Variants in SULT4A1 observed in about 807,000 individuals in gnomAD.
SULT4A1 encodes sulfotransferase 4A1.
A neutral mutation model predicts 35.2 loss-of-function variants in SULT4A1; 11 were observed. The observed-to-expected ratio is 0.31, with a 90% CI of 0.20 to 0.52. SULT4A1 has a LOEUF of 0.52. Ranked by LOEUF, SULT4A1 falls within the 20% of genes least tolerant of loss-of-function variation. SULT4A1 has a pLI of 0.97. For synonymous variants in SULT4A1, 152 were observed against 151.8 expected (o/e 1.00, Z -0.01); for missense variants, 271 against 383.7 (o/e 0.71, Z 2.45).
intron 1 of SULT4A1, among the ~76,000 whole-genome samples, chr22:43,844,956 C>T (rs752181038): frequency 6.6e-6 from 1 of 152,128 alleles, no homozygotes; most frequent in East Asian, 1.9e-4. Context: ...GAGTCCCATT[C>T]GAGGACCCTA....
At position 43,840,131 on chromosome 22, in the gene SULT4A1, C is replaced by T. The variant is rs2063413118; in HGVS notation, c.301-106G>A. 1.3e-5 allele frequency: 10 copies of T among 784,248 alleles called. No homozygotes were observed. The South Asian group carries it at 1.7e-4, about 14-fold the overall frequency. 48.6% of individuals were successfully genotyped at this position (784,248 alleles called of 1,614,324 possible). A position where few individuals can be genotyped will look rare whatever the true frequency, so the allele number is the denominator to read the frequency against. ...AGAGGAGGAAGGAAGGGGTGGGGTT[C>T]AGGGGAAGTGGAGTTATCAGAGGGA... On this transcript the variant is annotated intron_variant, in intron 2 of 6. Coordinates refer to ENST00000330884, the MANE Select transcript of SULT4A1 (RefSeq NM_014351.4).
At chr22:43,830,143 G>C (rs187410573) in intron 5 of SULT4A1, among the ~76,000 whole-genome samples, 1 of 152,174 alleles carries the variant, frequency 6.6e-6, no homozygotes, top group Non-Finnish European at 1.5e-5. Flanking sequence ...GGTGCATCCC[G>C]GGCGCAGGGC....
chr22:43,851,984 C>G (rs117796752), intron 1 of SULT4A1, among the ~76,000 whole-genome samples: 1 of 152,200 alleles, frequency 6.6e-6, no homozygotes, highest in South Asian at 2.1e-4. Context: ...TAATCCACCA[C>G]GCCCTCCTCT....
intron 1 of SULT4A1, among the ~76,000 whole-genome samples, chr22:43,848,633 T>C (rs2063491422): frequency 6.6e-6 from 1 of 151,020 alleles, no homozygotes; most frequent in Non-Finnish European, 1.5e-5. Context: ...AAGGCAGGAG[T>C]GAGAGGTGGA....
At chr22:43,860,934 G>A (rs931671382) in intron 1 of SULT4A1, among the ~76,000 whole-genome samples, 3 of 152,030 alleles carry the variant, frequency 2.0e-5, no homozygotes, top group South Asian at 2.1e-4. Flanking sequence ...GTGTGACTCC[G>A]AACAATTTGT....
intron 1 of SULT4A1, among the ~76,000 whole-genome samples, chr22:43,856,203 G>GA (rs1204231022): frequency 6.6e-6 from 1 of 152,126 alleles, no homozygotes; most frequent in Non-Finnish European, 1.5e-5. Context: ...CTCCCTTACA[G>GA]AAAAAAGGCT....
intron 1 of SULT4A1, among the ~76,000 whole-genome samples, chr22:43,842,859 A>G (rs542277019): frequency 2.7e-4 from 41 of 152,252 alleles, no homozygotes; most frequent in Non-Finnish European, 5.1e-4. Context: ...CTACATTATG[A>G]TATGTGCTGG....
chr22:43,850,148 G>C (rs1183956040), intron 1 of SULT4A1, among the ~76,000 whole-genome samples: 2 of 152,158 alleles, frequency 1.3e-5, no homozygotes, highest in Non-Finnish European at 2.9e-5. Flanking sequence ...AAGACCCACG[G>C]TTCTCTCCTC....
chr22:43,831,045 G>A (rs1041272132), intron 5 of SULT4A1, among the ~76,000 whole-genome samples: 3 of 152,184 alleles, frequency 2.0e-5, no homozygotes, highest in Admixed American at 6.5e-5. Flanking sequence ...GTCACAGACC[G>A]GCTTTGATAG....
chr22:43,826,440 C>G, intron 6 of SULT4A1: 1 of 985,308 alleles, frequency 1.0e-6, no homozygotes, highest in Non-Finnish European at 1.2e-6. Flanking sequence ...TGCTGGGTCC[C>G]CAGCACCTAG....
At chr22:43,852,709 C>G (rs2049355722) in intron 1 of SULT4A1, among the ~76,000 whole-genome samples, 1 of 151,778 alleles carries the variant, frequency 6.6e-6, no homozygotes, top group Non-Finnish European at 1.5e-5. Context: ...ATGCCCTCGA[C>G]ACAGAGCACG....
intron 1 of SULT4A1, among the ~76,000 whole-genome samples, chr22:43,852,507 T>A (rs1030737830): frequency 2.0e-5 from 3 of 151,928 alleles, no homozygotes; most frequent in Non-Finnish European, 4.4e-5. Context: ...GGGCAACCCA[T>A]CAGGGCCAGG....
At chr22:43,842,044 C>T in intron 1 of SULT4A1, 112 bp from the exon 2 acceptor site, 1 of 1,446,716 alleles carries the variant, frequency 6.9e-7, no homozygotes, top group South Asian at 1.4e-5. Flanking sequence ...CCAGGTGGGG[C>T]CCAGGGCGAC....
chr22:43,857,764 C>T (rs2049418415), intron 1 of SULT4A1, among the ~76,000 whole-genome samples: 1 of 152,084 alleles, frequency 6.6e-6, no homozygotes, highest in East Asian at 1.9e-4. Flanking sequence ...GCTAAACAAG[C>T]CAAGGCCTGG....
chr22:43,858,430 A>G lies in SULT4A1; in HGVS notation c.169+3784T>C, dbSNP rs527604744. Among the ~76,000 whole-genome samples, 10 of 152,208 alleles carry G rather than the reference A, an allele frequency of 6.6e-5. No individual in the cohort carries two copies. In the East Asian group the frequency reaches 1.2e-3, roughly 18 times the overall value. ...CACTTGCTTTGGCAGCCCCTTCCCC[A>G]GGTCAAGCCTCCTGAGTATGTGTAA... On this transcript the variant is annotated intron_variant, in intron 1 of 6. Transcript: ENST00000330884.
intron 1 of SULT4A1, among the ~76,000 whole-genome samples, chr22:43,843,642 A>T (rs2063451080): frequency 2.0e-5 from 3 of 152,230 alleles, no homozygotes; most frequent in African/African-American, 7.2e-5. Context: ...CCAAGAGGAC[A>T]GGCTTTGAGG....
intron 1 of SULT4A1, among the ~76,000 whole-genome samples, chr22:43,845,693 C>T (rs138083): frequency 0.23 from 35,688 of 152,072 alleles, 4,404 homozygotes; most frequent in African/African-American, 0.32. Context: ...CGAACCGAGA[C>T]GCACAGGAGG....
chr22:43,838,709 C>A (rs530010756), intron 4 of SULT4A1, among the ~76,000 whole-genome samples, 158 bp downstream of exon 4: 1 of 152,194 alleles, frequency 6.6e-6, no homozygotes, highest in South Asian at 2.1e-4. Context: ...TCACGACCCT[C>A]GGCCTCAGTG....
intron 4 of SULT4A1, among the ~76,000 whole-genome samples, chr22:43,835,202 G>A (rs1037699812): frequency 1.2e-4 from 19 of 152,234 alleles, no homozygotes; most frequent in African/African-American, 4.6e-4. Context: ...CCTTGGTGTG[G>A]GGTGGGGCAC....
Sources: gnomAD v4.1 joint callset for allele counts (sites outside exome capture counted in the v4.1 genomes callset) on GRCh38, gnomAD v4.1.1 for gene constraint, MANE v1.5 for transcripts, NCBI Gene and HGNC (gene_info 2026-07-23, HGNC 2026-07-21) for gene names.